Variants in NDST4 observed in about 807,000 individuals in gnomAD.
NDST4 encodes N-heparan sulfate sulfotransferase 4.
In NDST4, 63 loss-of-function variants were observed where a neutral mutation model predicts 100.8. That is an observed-to-expected ratio of 0.62 (90% CI 0.51 to 0.77). The LOEUF (loss-of-function observed/expected upper bound fraction) is 0.77, where lower values mean the gene tolerates loss of function less well. Among genes scored for constraint, NDST4 ranks in the 30% least tolerant of loss-of-function variants. The pLI is 0.00. For missense variants in NDST4, 943 were observed against 1,018.4 expected (o/e 0.93, Z 1.01); for synonymous variants, 377 against 361.8 (o/e 1.04, Z -0.48).
chr4:114,868,940 C>T (rs866181607), intron 7 of NDST4, among the ~76,000 whole-genome samples: 57 of 54,554 alleles, frequency 1.0e-3, no homozygotes, highest in South Asian at 7.8e-3. Flanking sequence ...TCAGCACTTG[C>T]AAATTATATA....
chr4:114,843,461 TA>T (rs2126184975), intron 10 of NDST4, among the ~76,000 whole-genome samples: 1 of 152,360 alleles, frequency 6.6e-6, no homozygotes, highest in South Asian at 2.1e-4. Flanking sequence ...TACTTCTATG[TA>T]ATAAACCAGT....
intron 4 of NDST4, among the ~76,000 whole-genome samples, chr4:114,947,397 G>A (rs992343938): frequency 3.3e-5 from 5 of 152,192 alleles, no homozygotes; most frequent in African/African-American, 1.2e-4. Context: ...CAACAAAGAT[G>A]TGGTAGCATG....
chr4:114,852,644 T>G, intron 8 of NDST4, 81 bp downstream of exon 8: 1 of 733,660 alleles, frequency 1.4e-6, no homozygotes, highest in African/African-American at 1.8e-5. Flanking sequence ...AAGAAAAATC[T>G]AATCTGATAA....
chr4:114,973,864 G>A (rs775395577), intron 3 of NDST4, among the ~76,000 whole-genome samples: 3 of 151,132 alleles, frequency 2.0e-5, no homozygotes, highest in South Asian at 2.1e-4. Context: ...CTTGTACATC[G>A]AACCTGGCAT....
intron 6 of NDST4, among the ~76,000 whole-genome samples, chr4:114,894,300 A>G (rs1477702467): frequency 6.6e-6 from 1 of 152,110 alleles, no homozygotes; most frequent in Non-Finnish European, 1.5e-5. Context: ...GTTTGCTGAG[A>G]ATAGCATTGA....
In NDST4 at chr4:114,848,264, C is replaced by T; in HGVS notation, c.1891G>A (p.Glu631Lys). The T allele has an allele frequency of 6.2e-7, 1 of 1,611,394 alleles. No individual in the cohort carries two copies. Residue 631 changes from glutamate (E) to lysine (K), a missense_variant, in exon 9 of 14, where the codon GAG (glutamate) becomes AAG (lysine). By Grantham distance (56) the Glu-to-Lys change is moderately conservative. Around this residue, in one of 2 missense-constraint regions of NDST4, gnomAD observed 526 missense variants for 634.1 expected, o/e 0.83. Transcript: ENST00000264363. ...ISNLPSPKTF[E>K]EVQFFNGNNY... The stretch of plus-strand genomic sequence containing the variant: ...TTGCCATTAAAGAACTGAACTTCCT[C>T]AAATGTCTTTGGACTAGGGAGATTG...
At chr4:115,045,168 A>G (rs572241224) in intron 2 of NDST4, among the ~76,000 whole-genome samples, 4 of 152,120 alleles carry the variant, frequency 2.6e-5, no homozygotes, top group Non-Finnish European at 4.4e-5. Context: ...GTCTTAGGGT[A>G]GAGAGGAAAT....
At chr4:115,109,176 A>G (rs534089503) in intron 1 of NDST4, among the ~76,000 whole-genome samples, 1 of 151,952 alleles carries the variant, frequency 6.6e-6, no homozygotes, top group South Asian at 2.1e-4. Context: ...AAGAAAGAGA[A>G]GAAAGAAAGG....
At chr4:114,899,063 AAG>A (rs1724778632) in intron 6 of NDST4, among the ~76,000 whole-genome samples, 1 of 152,126 alleles carries the variant, frequency 6.6e-6, no homozygotes, top group Admixed American at 6.6e-5. Flanking sequence ...ACAATGTTCA[AAG>A]AGTGTGGTGA....
rs532998238 is a variant in NDST4, at chr4:114,919,801, G to A, written c.1536+15405C>T. 4.6e-4 allele frequency among the ~76,000 whole-genome samples: 70 copies of A among 152,292 alleles called. 2 individuals are homozygous for A. Among genetic ancestry groups the A allele is most frequent in the African/African-American group, 1.3e-3 (53 of 41,556 alleles). On this transcript the variant is annotated intron_variant, in intron 6 of 13. Transcript: ENST00000264363. ...GCCAGAGAGATAGCAATTTTTCTGG[G>A]AGAGAGAAAACAGATGCCTTGTCTT...
chr4:114,940,386 A>G lies in NDST4; in HGVS notation c.1222-2883T>C, dbSNP rs938041494. ...ATGTATTTAGCACTAAAGCTCTAAC[A>G]GCAACTGAAATAATGTCATTTAATT... On this transcript the variant is annotated intron_variant, in intron 4 of 13. Transcript: ENST00000264363. 3.3e-5 allele frequency among the ~76,000 whole-genome samples: 5 copies of G among 152,254 alleles called. No homozygotes were observed. In the East Asian group the frequency reaches 9.6e-4, roughly 29 times the overall value.
rs536086522 is a variant in NDST4, at chr4:114,828,548, C to T, written c.2500-613G>A. On this transcript the variant is annotated intron_variant, in intron 13 of 13. Transcript: ENST00000264363. ...TTTCTAATCATGTTGCAGAGATGGG[C>T]CGTTATTAGAGAAATGCTAAAAAAA... Among the ~76,000 whole-genome samples, 4 of 151,836 alleles carry T rather than the reference C, an allele frequency of 2.6e-5. No individual in the cohort carries two copies. The South Asian group carries it at 8.3e-4, about 32-fold the overall frequency.
intron 6 of NDST4, among the ~76,000 whole-genome samples, chr4:114,919,064 A>C (rs1321771645): frequency 6.6e-6 from 1 of 152,248 alleles, no homozygotes; most frequent in Admixed American, 6.5e-5. Flanking sequence ...TGATCAATAC[A>C]GAATTGATCT....
rs751308416 is a variant in NDST4 at position 114,829,776 on chromosome 4, T to C, written c.2499+14A>G. The C allele has an allele frequency of 8.3e-6, 13 of 1,575,378 alleles. No individual in the cohort carries two copies. Among genetic ancestry groups the C allele is most frequent in the Non-Finnish European group, 1.1e-5 (13 of 1,165,582 alleles). On this transcript the variant is annotated intron_variant, in intron 13 of 13. Coordinates refer to ENST00000264363, the MANE Select transcript of NDST4 (RefSeq NM_022569.3). ...ATTTTTGCTAGAGTAATTCAAAGAT[T>C]AAAAAATTATTACCTCTGGATCCAT...
chr4:114,932,975 A>C (rs564124388), intron 6 of NDST4, among the ~76,000 whole-genome samples: 1 of 152,218 alleles, frequency 6.6e-6, no homozygotes, highest in Non-Finnish European at 1.5e-5. Flanking sequence ...AAACAATTCT[A>C]AAATTTCTAT....
At chr4:115,079,423 A>G (rs545084549) in intron 1 of NDST4, among the ~76,000 whole-genome samples, 1 of 151,676 alleles carries the variant, frequency 6.6e-6, no homozygotes, top group African/African-American at 2.4e-5. Flanking sequence ...ATTTTCCATT[A>G]TTATTAGATG....
chr4:114,879,951 T>G lies in NDST4; in HGVS notation c.1537-9001A>C, dbSNP rs193226281. ...ATCTGATTATTTACCAGTGTCCCAG[T>G]TTTTCAGTCATAATATTTGGTTAGT... On this transcript the variant is annotated intron_variant, in intron 6 of 13. Coordinates refer to ENST00000264363, the MANE Select transcript of NDST4 (RefSeq NM_022569.3). 2.6e-5 allele frequency among the ~76,000 whole-genome samples: 4 copies of G among 152,290 alleles called. No individual in the cohort carries two copies. In the East Asian group the frequency reaches 7.7e-4, roughly 29 times the overall value.
chr4:114,964,117 T>C (rs769189349), intron 4 of NDST4, among the ~76,000 whole-genome samples: 12 of 152,214 alleles, frequency 7.9e-5, no homozygotes, highest in Non-Finnish European at 1.8e-4. Flanking sequence ...TTAGCTCTAA[T>C]GAAGCCAATT....
chr4:114,991,213 G>T (rs1727032164), intron 2 of NDST4, among the ~76,000 whole-genome samples: 1 of 151,996 alleles, frequency 6.6e-6, no homozygotes, highest in Admixed American at 6.6e-5. Flanking sequence ...ACTTATTTAA[G>T]ACAAATGAGA....
Sources: allele counts gnomAD v4.1 joint callset (sites outside exome capture counted in the v4.1 genomes callset), GRCh38; gene constraint gnomAD v4.1.1; regional missense constraint gnomAD v4.1.1; transcripts MANE v1.5; gene names NCBI Gene and HGNC (gene_info 2026-07-23, HGNC 2026-07-21).